ESR1: variants seen among roughly 807,000 people sequenced by gnomAD.
The protein encoded by ESR1 is estrogen receptor.
Under a neutral mutation model 52.7 loss-of-function variants are expected in ESR1, and 12 were observed. The observed-to-expected ratio is 0.23, with a 90% CI of 0.15 to 0.37. ESR1 has a LOEUF of 0.37. ESR1 is among the 10% of genes least tolerant of loss of function. The probability of loss-of-function intolerance (pLI) is 1.00; values close to 1 mark genes in which losing one functional copy is unlikely to be tolerated. For missense variants in ESR1, 584 were observed against 779.7 expected (o/e 0.75, Z 2.99); for synonymous variants, 305 against 316.8 (o/e 0.96, Z 0.39).
chr6:151,911,935 C>T lies in ESR1; in HGVS notation c.760+31164C>T, dbSNP rs535054551. ...GATTGTTGCACATTAATCTACTGCA[C>T]GGTCCGGTAGGTAGCCACTAGCCAC... is the stretch of plus-strand genomic sequence containing the variant. On this transcript the variant is annotated intron_variant, in intron 3 of 7. Transcript: ENST00000206249. 9.9e-5 allele frequency among the ~76,000 whole-genome samples: 15 copies of T among 152,278 alleles called. No individual in the cohort carries two copies. The East Asian group carries it at 1.7e-3, about 18-fold the overall frequency.
In ESR1 at chr6:151,674,052, T is replaced by C. The variant is rs746097146; in HGVS notation, n.73+17289T>C. ...ATTTTACTTTAAGTTCTGGGATACA[T>C]GTGGGGAATGTGCAGGTTTGTTACA... On this transcript the variant is annotated intron_variant and non_coding_transcript_variant, in intron 1 of 2. Transcript: ENST00000473497. Among the ~76,000 whole-genome samples, 43 of 152,328 alleles carry C rather than the reference T, an allele frequency of 2.8e-4. 1 individual carries two copies. The highest frequency in any genetic ancestry group is 5.0e-4 in the Non-Finnish European group (34 of 68,020).
At position 152,031,588 on chromosome 6, in the gene ESR1, G is replaced by A. The variant is rs530956630; in HGVS notation, c.1235+19794G>A. Among the ~76,000 whole-genome samples the A allele has an allele frequency of 7.2e-5, 11 of 152,264 alleles. 1 individual carries two copies. In the South Asian group the frequency reaches 2.3e-3, roughly 32 times the overall value. Reference sequence around the variant, plus strand: ...CATACACCCTCCCAAGACTAAACCAGGAAGAAGCTGAATCTCTGAATAGAC... The same window carrying A: ...CATACACCCTCCCAAGACTAAACCAAGAAGAAGCTGAATCTCTGAATAGAC... On this transcript the variant is annotated intron_variant, in intron 5 of 7. Coordinates refer to ENST00000206249, the MANE Select transcript of ESR1 (RefSeq NM_000125.4).
rs1364963022 is a variant in ESR1, at chr6:151,944,233, G to C, written c.821G>C (p.Gly274Ala). 6 of 1,614,130 alleles carry C rather than the reference G, an allele frequency of 3.7e-6. No individual in the cohort carries two copies. Among genetic ancestry groups the C allele is most frequent in the Non-Finnish European group, 5.1e-6 (6 of 1,180,024 alleles). ...MLKHKRQRDD[G>A]EGRGEVGSAG... Reference sequence around the variant, plus strand: ...AAACACAAGCGCCAGAGAGATGATGGGGAGGGCAGGGGTGAAGTGGGGTCT... The same window carrying C: ...AAACACAAGCGCCAGAGAGATGATGCGGAGGGCAGGGGTGAAGTGGGGTCT... Residue 274 changes from glycine (G) to alanine (A), a missense_variant, in exon 4 of 8, where the codon GGG (glycine) becomes GCG (alanine). By Grantham distance (60) the Gly-to-Ala change is moderately conservative (BLOSUM62 0). Around this residue, in one of 6 missense-constraint regions of ESR1, gnomAD observed 88 missense variants for 88.3 expected, o/e 1.00. Transcript: ENST00000206249.
At chr6:151,892,991 G>A (rs1403210133) in intron 3 of ESR1, among the ~76,000 whole-genome samples, 1 of 152,094 alleles carries the variant, frequency 6.6e-6, no homozygotes, top group African/African-American at 2.4e-5. Flanking sequence ...AAGTTCCAGA[G>A]CAGCCTGGCT....
chr6:152,031,907 C>A (rs1164642762), intron 5 of ESR1, among the ~76,000 whole-genome samples: 2 of 152,198 alleles, frequency 1.3e-5, no homozygotes, highest in African/African-American at 4.8e-5. Flanking sequence ...TACTGGCAAA[C>A]CGAATCCAGC....
intron 3 of ESR1, among the ~76,000 whole-genome samples, chr6:151,930,078 G>T (rs1209466108): frequency 6.6e-6 from 1 of 151,744 alleles, no homozygotes. Flanking sequence ...CTGCCTCCTG[G>T]GTTCAAGCGA....
At chr6:151,993,976 C>T (rs888409139) in intron 4 of ESR1, among the ~76,000 whole-genome samples, 2 of 152,132 alleles carry the variant, frequency 1.3e-5, no homozygotes, top group Non-Finnish European at 2.9e-5. Flanking sequence ...ATGAATACTT[C>T]TAGAATACAG....
intron 7 of ESR1, among the ~76,000 whole-genome samples, chr6:152,095,933 A>G (rs755947361): frequency 3.1e-4 from 47 of 152,236 alleles, no homozygotes; most frequent in Non-Finnish European, 5.6e-4. Flanking sequence ...GAAGGACATC[A>G]GCAGACAAAA....
chr6:152,035,867 A>G (rs2045252780), intron 5 of ESR1, among the ~76,000 whole-genome samples: 1 of 152,194 alleles, frequency 6.6e-6, no homozygotes. Context: ...ACATAGAAAA[A>G]AAAACTTAAT....
intron 2 of ESR1, among the ~76,000 whole-genome samples, chr6:151,850,027 ATTATATATATATATAATT>A (rs1465376802): frequency 1.5e-5 from 1 of 68,766 alleles, no homozygotes; most frequent in African/African-American, 6.0e-5. Context: ...TATATACAAA[ATTATATATATATATAATT>A]TTATATATAT....
Position 151,931,282 on chromosome 6 carries a change from T to C in ESR1, c.761-12891T>C, listed in dbSNP as rs73621267. ...ATCTTTCAGCTCACTGATTATTTCC[T>C]TGGCCGTGTTGAATCAATTGATTAG... is the stretch of plus-strand genomic sequence containing the variant. On this transcript the variant is annotated intron_variant, in intron 3 of 7. Transcript: ENST00000206249. Among the ~76,000 whole-genome samples, 1,516 of 152,304 alleles carry C rather than the reference T, an allele frequency of 1.0e-2. 18 individuals are homozygous for C. The highest frequency in any genetic ancestry group is 0.029 in the African/African-American group (1,202 of 41,562).
At chr6:151,868,379 C>T (rs572768496) in intron 2 of ESR1, among the ~76,000 whole-genome samples, 8 of 152,260 alleles carry the variant, frequency 5.3e-5, no homozygotes, top group South Asian at 2.1e-4. Flanking sequence ...CTGCCCACCT[C>T]GGCCTCCCAA....
intron 2 of ESR1, among the ~76,000 whole-genome samples, chr6:151,796,955 G>C (rs1776769211): frequency 6.6e-6 from 1 of 152,162 alleles, no homozygotes; most frequent in South Asian, 2.1e-4. Context: ...CTATACGTTG[G>C]GGTGATCCAC....
At chr6:152,015,667 TC>T (rs1175163622) in intron 5 of ESR1, among the ~76,000 whole-genome samples, 11 of 152,232 alleles carry the variant, frequency 7.2e-5, no homozygotes, top group African/African-American at 2.7e-4. Flanking sequence ...GTTATTCCCA[TC>T]CAACTCACTT....
At chr6:151,863,673 A>G (rs1027991546) in intron 2 of ESR1, among the ~76,000 whole-genome samples, 1 of 152,156 alleles carries the variant, frequency 6.6e-6, no homozygotes, top group African/African-American at 2.4e-5. Context: ...AGAACTTCCA[A>G]CACTATGTTG....
chr6:152,092,451 A>G (rs1260863544), intron 6 of ESR1, among the ~76,000 whole-genome samples: 3 of 151,172 alleles, frequency 2.0e-5, no homozygotes, highest in Non-Finnish European at 4.4e-5. Context: ...TTTCTCCCAT[A>G]CCCGACCTAC....
intron 3 of ESR1, among the ~76,000 whole-genome samples, chr6:151,882,620 G>T (rs1298314902): frequency 6.6e-6 from 1 of 152,060 alleles, no homozygotes; most frequent in Non-Finnish European, 1.5e-5. Flanking sequence ...TTCTTCTTTG[G>T]CGATTATATG....
At chr6:151,668,025 T>G (rs902850662) in intron 1 of ESR1, among the ~76,000 whole-genome samples, 1 of 152,260 alleles carries the variant, frequency 6.6e-6, no homozygotes, top group African/African-American at 2.4e-5. Flanking sequence ...ATATTCATCA[T>G]GAAAATGTAG....
chr6:151,958,418 A>G (rs938126618), intron 4 of ESR1, among the ~76,000 whole-genome samples: 1 of 152,344 alleles, frequency 6.6e-6, no homozygotes, highest in East Asian at 1.9e-4. Context: ...AAACAGAGGC[A>G]TTGAGATGAT....
Sources: gnomAD v4.1 joint callset for allele counts (sites outside exome capture counted in the v4.1 genomes callset) on GRCh38, gnomAD v4.1.1 for gene constraint, gnomAD v4.1.1 regional missense constraint, MANE v1.5 for transcripts, NCBI Gene and HGNC (gene_info 2026-07-23, HGNC 2026-07-21) for gene names.